The following TRHDE variants were observed in gnomAD, a reference collection of about 807,000 sequenced individuals.
TRHDE encodes the protein thyrotropin-releasing hormone-degrading ectoenzyme.
A neutral mutation model predicts 125.7 loss-of-function variants in TRHDE; 72 were observed. That is an observed-to-expected ratio of 0.57 (90% confidence interval 0.47 to 0.70). The LOEUF is 0.70. Ranked by LOEUF, TRHDE falls within the 30% of genes least tolerant of loss-of-function variation. TRHDE has a pLI of 0.00. For missense variants in TRHDE, 1,110 were observed against 1,327.1 expected (o/e 0.84, Z 2.54); for synonymous variants, 509 against 509.1 (o/e 1.00, Z 0.00).
At chr12:72,144,635 T>A (rs890449715) in intron 2 of TRHDE, among the ~76,000 whole-genome samples, 2 of 152,204 alleles carry the variant, frequency 1.3e-5, no homozygotes, top group Admixed American at 6.5e-5. Context: ...GTCCCTGGGC[T>A]TGAATTCATC....
intron 2 of TRHDE, among the ~76,000 whole-genome samples, chr12:72,329,169 G>A (rs1192657437): frequency 6.6e-6 from 1 of 152,150 alleles, no homozygotes; most frequent in Non-Finnish European, 1.5e-5. Context: ...AAGAAAATCA[G>A]TGATTATCGT....
intron 6 of TRHDE, among the ~76,000 whole-genome samples, chr12:72,509,807 G>A (rs1410987179): frequency 6.6e-6 from 1 of 152,126 alleles, no homozygotes; most frequent in Non-Finnish European, 1.5e-5. Context: ...TGTGCAGTAA[G>A]CACTCTAATA....
intron 2 of TRHDE, among the ~76,000 whole-genome samples, chr12:72,340,498 A>T (rs1261844480): frequency 6.6e-6 from 1 of 152,194 alleles, no homozygotes; most frequent in East Asian, 1.9e-4. Context: ...ACAGTGGCTT[A>T]TACTAGAAAT....
chr12:72,297,126 G>T (rs190536105), intron 2 of TRHDE, among the ~76,000 whole-genome samples: 12 of 152,250 alleles, frequency 7.9e-5, no homozygotes, highest in African/African-American at 1.2e-4. Flanking sequence ...TGAACTTGGG[G>T]AATTGACAAG....
chr12:72,307,443 T>A (rs2069162578), intron 2 of TRHDE, among the ~76,000 whole-genome samples: 1 of 151,938 alleles, frequency 6.6e-6, no homozygotes, highest in Non-Finnish European at 1.5e-5. Flanking sequence ...GTGCTGGAAT[T>A]AAAGGCATGA....
chr12:72,598,604 A>G (rs1237371133), intron 12 of TRHDE, among the ~76,000 whole-genome samples: 1 of 152,188 alleles, frequency 6.6e-6, no homozygotes, highest in Non-Finnish European at 1.5e-5. Context: ...TGCCATTACA[A>G]ATAGCGATAA....
At chr12:72,555,385 A>C (rs1592532819) in intron 7 of TRHDE, among the ~76,000 whole-genome samples, 1 of 152,028 alleles carries the variant, frequency 6.6e-6, no homozygotes, top group African/African-American at 2.4e-5. Context: ...CAGTGGCTTG[A>C]ACTGCTATAC....
intron 15 of TRHDE, among the ~76,000 whole-genome samples, chr12:72,647,595 T>C (rs1236839982): frequency 6.6e-6 from 1 of 151,916 alleles, no homozygotes; most frequent in African/African-American, 2.4e-5. Flanking sequence ...GGAGTAGATA[T>C]TACAACTGAT....
intron 5 of TRHDE, among the ~76,000 whole-genome samples, chr12:72,491,695 G>A (rs561443508): frequency 2.6e-5 from 4 of 152,036 alleles, no homozygotes; most frequent in Admixed American, 1.3e-4. Flanking sequence ...AAACTGTGCA[G>A]AGGGTTATCT....
chr12:72,527,570 T>A, intron 6 of TRHDE, among the ~76,000 whole-genome samples: 1 of 147,468 alleles, frequency 6.8e-6, no homozygotes, highest in African/African-American at 2.5e-5. Context: ...TTATTGGGAA[T>A]GATAGTAAGA....
At chr12:72,203,860 T>G (rs1877612519) in intron 2 of TRHDE, among the ~76,000 whole-genome samples, 1 of 152,188 alleles carries the variant, frequency 6.6e-6, no homozygotes, top group African/African-American at 2.4e-5. Context: ...TCTTTTTCCC[T>G]TGTGTGTGTC....
At chr12:72,554,165 T>C (rs1869812864) in intron 7 of TRHDE, among the ~76,000 whole-genome samples, 1 of 152,116 alleles carries the variant, frequency 6.6e-6, no homozygotes, top group African/African-American at 2.4e-5. Context: ...TATAATTTTC[T>C]TATAGTGTTT....
intron 2 of TRHDE, among the ~76,000 whole-genome samples, chr12:72,349,653 T>C (rs1378312452): frequency 2.0e-5 from 3 of 151,994 alleles, no homozygotes; most frequent in Admixed American, 6.6e-5. Context: ...ACATCTGTTT[T>C]TTGTTGAGGA....
intron 2 of TRHDE, among the ~76,000 whole-genome samples, chr12:72,313,538 A>AT (rs1868648215): frequency 6.6e-6 from 1 of 152,040 alleles, no homozygotes; most frequent in South Asian, 2.1e-4. Context: ...TTTTATATAT[A>AT]TTTTTTCTGT....
chr12:72,248,417 C>CAAA lies in TRHDE; in HGVS notation n.280-129558_280-129556dup, dbSNP rs34434650. On this transcript the variant is annotated intron_variant and non_coding_transcript_variant, in intron 2 of 4. Transcript: ENST00000548156. The stretch of plus-strand genomic sequence containing the variant: ...TGGGCAACAAAGCGAGACTCTGTCT[C>CAAA]AAAAAAAAAAAAAAAAAAAAAAGCG... Among the ~76,000 whole-genome samples, 276 of 54,718 alleles carry CAAA rather than the reference C, an allele frequency of 5.0e-3. 4 individuals carry two copies. The highest frequency in any genetic ancestry group is 0.022 in the Middle Eastern group (1 of 46). The allele number at this position is 54,718 out of a possible 152,430, so 35.9% of individuals were successfully genotyped here. A position where few individuals can be genotyped will look rare whatever the true frequency, so the allele number is the denominator to read the frequency against.
chr12:72,161,165 T>G (rs1876627915), intron 2 of TRHDE, among the ~76,000 whole-genome samples: 1 of 152,194 alleles, frequency 6.6e-6, no homozygotes. Flanking sequence ...CCAGCTGCAG[T>G]GGCTCATACC....
chr12:72,273,927 C>A lies in TRHDE; in HGVS notation c.914+370C>A, dbSNP rs1225222780. ...CATGAAAAGCTTGCCAAGTTACTGT[C>A]GAGGGAAAATACGTGGCGCTGAAGG... On this transcript the variant is annotated intron_variant, in intron 1 of 18. Transcript: ENST00000261180. The surrounding 1 kb of genome is among the most constrained non-coding windows in gnomAD (Gnocchi z 5.3). 3 of 212,204 alleles carry A rather than the reference C, an allele frequency of 1.4e-5. No homozygotes were observed. The highest frequency in any genetic ancestry group is 1.0e-4 in the East Asian group (1 of 9,662). The allele number at this position is 212,204 out of a possible 1,614,324, so 13.1% of individuals were successfully genotyped here. A position where few individuals can be genotyped will look rare whatever the true frequency, so the allele number is the denominator to read the frequency against.
intron 14 of TRHDE, 135 bp downstream of exon 14, chr12:72,621,340 G>A (rs966799508): frequency 1.1e-5 from 7 of 653,826 alleles, no homozygotes; most frequent in Admixed American, 2.8e-5. Context: ...TTCCCGAGAG[G>A]ACTGCTGCTG....
At position 72,562,176 on chromosome 12, in the gene TRHDE, C is replaced by A; in HGVS notation, c.1800C>A (p.Thr600=). 1 of 1,520,796 alleles carries A rather than the reference C, an allele frequency of 6.6e-7. No individual in the cohort carries two copies. Among genetic ancestry groups the A allele is most frequent in the Non-Finnish European group, 9.1e-7 (1 of 1,102,192 alleles). 94.2% of individuals were successfully genotyped at this position (1,520,796 alleles called of 1,614,324 possible). A position where few individuals can be genotyped will look rare whatever the true frequency, so the allele number is the denominator to read the frequency against. The change falls in exon 8 of 19, where the codon ACC becomes ACA. Residue 600 remains threonine, a synonymous_variant. Transcript: ENST00000261180. ...VFQRGLQDYL[T]IHKYGNAARN... is the part of the protein sequence containing the mutation. The stretch of plus-strand genomic sequence containing the variant: ...TTATATTCTTGTAGGATTATTTAAC[C>A]ATTCATAAGTATGGTAATGCAGCCA...
Sources: gnomAD v4.1 joint callset for allele counts (sites outside exome capture counted in the v4.1 genomes callset) on GRCh38, gnomAD v4.1.1 for gene constraint, Gnocchi (gnomAD v3.1) non-coding constraint, MANE v1.5 for transcripts, NCBI Gene and HGNC (gene_info 2026-07-23, HGNC 2026-07-21) for gene names.